Variants in ADGRG6 observed in about 807,000 individuals in gnomAD.
ADGRG6 encodes the protein adhesion G protein-coupled receptor G6.
Under a neutral mutation model 142.4 loss-of-function variants are expected in ADGRG6, and 84 were observed. That is an observed-to-expected ratio of 0.59 (90% CI 0.49 to 0.71). The LOEUF (loss-of-function observed/expected upper bound fraction) is 0.71, where lower values mean the gene tolerates loss of function less well. Ranked by LOEUF, ADGRG6 falls within the 30% of genes least tolerant of loss-of-function variation. The pLI is 0.00. For missense variants in ADGRG6, 1,367 were observed against 1,466.6 expected (o/e 0.93, Z 1.11); for synonymous variants, 521 against 520.5 (o/e 1.00, Z -0.01).
rs186030104 is a variant in ADGRG6 at position 142,431,076 on chromosome 6, T to A, written c.3320-6358T>A. On this transcript the variant is annotated intron_variant, in intron 22 of 24. Transcript: ENST00000367609. ...CAAATTTTACTGAGAATTAAAACAT[T>A]TTCAATTCACAATTACAGTTTTTTT... Among the ~76,000 whole-genome samples, 13 of 150,714 alleles carry A rather than the reference T, an allele frequency of 8.6e-5. No homozygotes were observed. In the East Asian group the frequency reaches 2.5e-3, roughly 29 times the overall value.
chr6:142,403,690 A>C, intron 13 of ADGRG6, 112 bp from the exon 14 acceptor site: 2 of 663,364 alleles, frequency 3.0e-6, no homozygotes. Flanking sequence ...AAGATCAGAA[A>C]ATCTAAACAC....
At chr6:142,415,748 T>G (rs189078951) in intron 19 of ADGRG6, 48 bp from the exon 20 acceptor site, 1 of 1,335,730 alleles carries the variant, frequency 7.5e-7, no homozygotes, top group East Asian at 2.3e-5. Flanking sequence ...CTTAAAAGAT[T>G]GATATACAGT....
intron 2 of ADGRG6, among the ~76,000 whole-genome samples, chr6:142,314,106 G>T (rs1348931397): frequency 2.0e-5 from 3 of 152,168 alleles, no homozygotes; most frequent in Admixed American, 6.5e-5. Context: ...AGTGAATAAA[G>T]TCTAGAAAGT....
At chr6:142,412,736 A>G (rs1776147739) in intron 18 of ADGRG6, among the ~76,000 whole-genome samples, 1 of 152,062 alleles carries the variant, frequency 6.6e-6, no homozygotes, top group Non-Finnish European at 1.5e-5. Context: ...CTTTTTTGCA[A>G]AAGTGATAGC....
At chr6:142,385,194 T>G (rs1413796102) in intron 6 of ADGRG6, among the ~76,000 whole-genome samples, 1 of 152,214 alleles carries the variant, frequency 6.6e-6, no homozygotes, top group African/African-American at 2.4e-5. Context: ...CACTCAATCA[T>G]GTCATTTCTG....
intron 22 of ADGRG6, among the ~76,000 whole-genome samples, chr6:142,420,867 C>G (rs181455465): frequency 2.0e-5 from 3 of 152,218 alleles, no homozygotes; most frequent in Admixed American, 2.0e-4. Context: ...TGAATATACC[C>G]TGTACTGTTG....
chr6:142,433,276 A>C (rs1777300956), intron 22 of ADGRG6, among the ~76,000 whole-genome samples: 2 of 151,976 alleles, frequency 1.3e-5, no homozygotes, highest in African/African-American at 4.8e-5. Flanking sequence ...CCTTCAGTCC[A>C]CTCTACTCTG....
intron 1 of ADGRG6, among the ~76,000 whole-genome samples, chr6:142,304,433 C>T (rs2114478577): frequency 6.6e-6 from 1 of 152,164 alleles, no homozygotes; most frequent in African/African-American, 2.4e-5. Flanking sequence ...GCTACTGTTC[C>T]ATTTATGGCT....
intron 10 of ADGRG6, among the ~76,000 whole-genome samples, chr6:142,398,156 G>T (rs1470049680): frequency 6.6e-6 from 1 of 152,180 alleles, no homozygotes; most frequent in Non-Finnish European, 1.5e-5. Context: ...GCTGGGCATG[G>T]TGGCTCATGC....
chr6:142,381,361 GTC>G (rs1188082368), intron 4 of ADGRG6, among the ~76,000 whole-genome samples: 3 of 152,084 alleles, frequency 2.0e-5, no homozygotes, highest in African/African-American at 7.2e-5. Flanking sequence ...GTTGGAAAAA[GTC>G]TGTTAATTGT....
chr6:142,384,468 A>G (rs1781930899), intron 6 of ADGRG6, among the ~76,000 whole-genome samples: 1 of 152,190 alleles, frequency 6.6e-6, no homozygotes, highest in Non-Finnish European at 1.5e-5. Flanking sequence ...TTGCAAATAC[A>G]GCAGTGTACG....
intron 2 of ADGRG6, among the ~76,000 whole-genome samples, chr6:142,367,268 C>A (rs950031410): frequency 6.6e-6 from 1 of 152,096 alleles, no homozygotes; most frequent in Non-Finnish European, 1.5e-5. Context: ...TTGTGTGTAA[C>A]GTGTGTGGCC....
intron 14 of ADGRG6, 172 bp downstream of exon 14, chr6:142,404,145 G>A (rs973147807): frequency 8.0e-5 from 48 of 602,382 alleles, no homozygotes; most frequent in Middle Eastern, 4.3e-4. Flanking sequence ...GGAGCTCAGA[G>A]TGGGTATGCT....
At chr6:142,372,950 G>A (rs1015409589) in intron 4 of ADGRG6, among the ~76,000 whole-genome samples, 5 of 152,180 alleles carry the variant, frequency 3.3e-5, no homozygotes, top group Admixed American at 6.5e-5. Context: ...ATATGGCTAT[G>A]TTAATAATTG....
At chr6:142,355,051 A>G (rs554489982) in intron 2 of ADGRG6, among the ~76,000 whole-genome samples, 2 of 152,314 alleles carry the variant, frequency 1.3e-5, no homozygotes, top group Admixed American at 6.5e-5. Context: ...TTAATTCACT[A>G]TTAACCAAAA....
chr6:142,399,624 C>T lies in ADGRG6; in HGVS notation c.1568-861C>T, dbSNP rs545133924. Among the ~76,000 whole-genome samples the T allele has an allele frequency of 2.6e-5, 4 of 152,184 alleles. No individual in the cohort carries two copies. The South Asian group carries it at 6.2e-4, about 24-fold the overall frequency. On this transcript the variant is annotated intron_variant, in intron 10 of 24. Transcript: ENST00000367609. ...TTTATACCATTTAATTTAAATTATCCGTTTTATTGTTTTTCTGCAAATGAA... is the reference window on the plus strand; with the variant it reads ...TTTATACCATTTAATTTAAATTATCTGTTTTATTGTTTTTCTGCAAATGAA...
intron 4 of ADGRG6, among the ~76,000 whole-genome samples, chr6:142,375,068 C>T: frequency 6.6e-6 from 1 of 152,106 alleles, no homozygotes. Flanking sequence ...AACTCCTGTG[C>T]CCCATCCACC....
At chr6:142,304,351 C>G (rs1433249790) in intron 1 of ADGRG6, among the ~76,000 whole-genome samples, 1 of 152,102 alleles carries the variant, frequency 6.6e-6, no homozygotes, top group Non-Finnish European at 1.5e-5. Flanking sequence ...GTAGTGACTG[C>G]ATATTTTTCA....
At chr6:142,417,058 G>T in intron 20 of ADGRG6, 2 of 587,240 alleles carry the variant, frequency 3.4e-6, no homozygotes, top group Non-Finnish European at 3.1e-6. Context: ...AGTAGGTTTG[G>T]ATTGTTGCCA....
Sources: allele counts gnomAD v4.1 joint callset (sites outside exome capture counted in the v4.1 genomes callset), GRCh38; gene constraint gnomAD v4.1.1; transcripts MANE v1.5; gene names NCBI Gene and HGNC (gene_info 2026-07-23, HGNC 2026-07-21).